CACNA1I: variants seen among roughly 807,000 people sequenced by gnomAD.
CACNA1I encodes voltage-dependent T-type calcium channel subunit alpha-1I.
Under a neutral mutation model 201.6 loss-of-function variants are expected in CACNA1I, and 74 were observed. The observed-to-expected ratio is 0.37, with a 90% CI of 0.30 to 0.45. CACNA1I has a LOEUF of 0.45. CACNA1I is among the 20% of genes least tolerant of loss of function. The pLI, the probability that CACNA1I is intolerant of heterozygous loss-of-function variation, is 1.00. For missense variants in CACNA1I, 2,346 were observed against 3,138.1 expected (o/e 0.75, Z 6.03); for synonymous variants, 1,431 against 1,345.2 (o/e 1.06, Z -1.40).
In CACNA1I at chr22:39,677,698, G is replaced by T. The variant is rs147267921; in HGVS notation, c.4933+279G>T. Among the ~76,000 whole-genome samples, 1 of 152,210 alleles carries T rather than the reference G, an allele frequency of 6.6e-6. No individual in the cohort carries two copies. Among genetic ancestry groups the T allele is most frequent in the African/African-American group, 2.4e-5 (1 of 41,458 alleles). ...CGCTCGCTGAGCTCCGCCCTGCACC[G>T]GGATGGCTCCAGAAAGCAGGGTTCC... On this transcript the variant is annotated intron_variant, in intron 30 of 36. Coordinates refer to ENST00000402142, the MANE Select transcript of CACNA1I (RefSeq NM_021096.4). This position sits in a 1 kb window ranked among gnomAD's most constrained non-coding sequence, Gnocchi z 4.8.
At chr22:39,675,560 G>A (rs566688488) in intron 29 of CACNA1I, among the ~76,000 whole-genome samples, 2 of 152,364 alleles carry the variant, frequency 1.3e-5, no homozygotes, top group South Asian at 2.1e-4. Flanking sequence ...GCCACTGGCC[G>A]TGAAATGGTG....
chr22:39,630,516 T>A (rs2146407544), intron 4 of CACNA1I, among the ~76,000 whole-genome samples: 2 of 152,338 alleles, frequency 1.3e-5, no homozygotes, highest in Admixed American at 1.3e-4. Context: ...CCTTTACTCA[T>A]TCAAGCTGTC....
intron 11 of CACNA1I, 150 bp from the exon 12 acceptor site, chr22:39,658,781 G>A (rs1934903733): frequency 5.8e-6 from 4 of 693,936 alleles, no homozygotes. Context: ...TTAGCTTGTG[G>A]CGTGGAGCAG....
intron 2 of CACNA1I, among the ~76,000 whole-genome samples, chr22:39,599,684 C>T (rs1450511271): frequency 6.8e-6 from 1 of 147,892 alleles, no homozygotes; most frequent in African/African-American, 2.5e-5. Flanking sequence ...CCTGCTGAAG[C>T]AGAATTTCTG....
At chr22:39,587,686 C>A in intron 1 of CACNA1I, 1 of 443,718 alleles carries the variant, frequency 2.3e-6, no homozygotes, top group South Asian at 1.6e-5. Context: ...GATGCCCATT[C>A]CTGCAGGTTG....
intron 3 of CACNA1I, among the ~76,000 whole-genome samples, chr22:39,610,156 T>G (rs992466460): frequency 2.0e-5 from 3 of 152,184 alleles, no homozygotes; most frequent in Admixed American, 6.5e-5. Context: ...GACTTTACAC[T>G]CTGATCTATC....
chr22:39,606,115 G>A (rs1047984228), intron 3 of CACNA1I, among the ~76,000 whole-genome samples: 1 of 152,102 alleles, frequency 6.6e-6, no homozygotes, highest in African/African-American at 2.4e-5. Context: ...TGCTGGACTC[G>A]CTTCAGGCTG....
At position 39,570,835 on chromosome 22, in the gene CACNA1I, C is replaced by T. The variant is rs1238119422; in HGVS notation, c.83C>T (p.Pro28Leu). The T allele has an allele frequency of 1.9e-6, 3 of 1,613,538 alleles. No individual in the cohort carries two copies. The highest frequency in any genetic ancestry group is 2.2e-5 in the South Asian group (2 of 91,070). Residue 28 changes from proline (P) to leucine (L), a missense_variant, in exon 1 of 37, where the codon CCC (proline) becomes CTC (leucine). Transcript: ENST00000402142. ...EPGVTTEQPG[P>L]RSPPSSPPGL... ...GGAGTCACCACGGAGCAGCCCGGAC[C>T]CCGGAGCCCCCCATCCTCCCCGCCA...
intron 20 of CACNA1I, 60 bp downstream of exon 20, chr22:39,664,219 T>G: frequency 7.2e-7 from 1 of 1,384,264 alleles, no homozygotes; most frequent in Non-Finnish European, 1.0e-6. Flanking sequence ...TGGCCCTGGG[T>G]CAGCCCCTGC....
chr22:39,640,946 G>A lies in CACNA1I; in HGVS notation c.820G>A (p.Asp274Asn), dbSNP rs772691252. 20 of 1,613,874 alleles carry A rather than the reference G, an allele frequency of 1.2e-5. No homozygotes were observed. Among genetic ancestry groups the A allele is most frequent in the South Asian group, 6.6e-5 (6 of 91,088 alleles). The change falls in exon 6 of 37, where the codon GAC becomes AAC. Residue 274 changes from aspartate (D) to asparagine (N), a missense_variant. By Grantham distance (23) the Asp-to-Asn change is conservative. Transcript: ENST00000402142. ...EMPFICSLSG[D>N]NGIMGCHEIP... ...GCCCTTCATCTGCTCCCTGTCGGGC[G>A]ACAATGGGATAATGGGCTGCCATGA...
At position 39,666,453 on chromosome 22, in the gene CACNA1I, G is replaced by A. The variant is rs764339658; in HGVS notation, c.4104+447G>A. Among the ~76,000 whole-genome samples, 5 of 152,134 alleles carry A rather than the reference G, an allele frequency of 3.3e-5. No homozygotes were observed. The highest frequency in any genetic ancestry group is 4.8e-5 in the African/African-American group (2 of 41,448). On this transcript the variant is annotated intron_variant, in intron 23 of 36. Coordinates refer to ENST00000402142, the MANE Select transcript of CACNA1I (RefSeq NM_021096.4). The surrounding 1 kb of genome is among the most constrained non-coding windows in gnomAD (Gnocchi z 4.1). ...TGAAAGGATATCAAGCCCTTGGCCC[G>A]GGGTGGTACTCTCTCCCCTCACCCA... is the stretch of plus-strand genomic sequence containing the variant.
chr22:39,607,902 G>GA (rs1933266305), intron 3 of CACNA1I, among the ~76,000 whole-genome samples: 2 of 150,588 alleles, frequency 1.3e-5, no homozygotes, highest in Admixed American at 6.6e-5. Context: ...AGGCGGGGGG[G>GA]GGTCACCTGA....
rs551628362 is a variant in CACNA1I, at chr22:39,626,061, C to T, written c.580+6654C>T. ...AGGGGCAGCCCTGAGCCCGAGCTCA[C>T]AGTCCCTGACAATGCTGTGGGGAAG... On this transcript the variant is annotated intron_variant, in intron 4 of 36. Coordinates refer to ENST00000402142, the MANE Select transcript of CACNA1I (RefSeq NM_021096.4). Among the ~76,000 whole-genome samples the T allele has an allele frequency of 4.6e-5, 7 of 152,348 alleles. No homozygotes were observed. In the South Asian group the frequency reaches 6.2e-4, roughly 14 times the overall value.
intron 25 of CACNA1I, 24 bp from the exon 26 acceptor site, chr22:39,670,779 C>T (rs760062800): frequency 6.2e-7 from 1 of 1,613,158 alleles, no homozygotes; most frequent in Admixed American, 1.7e-5. Flanking sequence ...GTGGTCTTTG[C>T]CACTCCCCCT....
intron 3 of CACNA1I, among the ~76,000 whole-genome samples, chr22:39,600,860 T>C (rs2145828744): frequency 6.6e-6 from 1 of 152,282 alleles, no homozygotes; most frequent in South Asian, 2.1e-4. Context: ...TGCCAGCGGA[T>C]ACTGGGTGAG....
intron 3 of CACNA1I, among the ~76,000 whole-genome samples, chr22:39,616,249 A>G (rs1167528455): frequency 6.6e-6 from 1 of 152,096 alleles, no homozygotes; most frequent in East Asian, 1.9e-4. Flanking sequence ...ATGGGGGCGG[A>G]TGGCGGGGAG....
At chr22:39,592,479 C>T (rs541136326) in intron 1 of CACNA1I, among the ~76,000 whole-genome samples, 2 of 152,252 alleles carry the variant, frequency 1.3e-5, no homozygotes, top group African/African-American at 2.4e-5. Context: ...GGATTGGAGC[C>T]GTTGCTCTCT....
Position 39,646,847 on chromosome 22 carries a change from A to G in CACNA1I, c.1428A>G (p.Lys476=). Residue 476 remains lysine (K), a synonymous_variant, in exon 8 of 37, where the codon AAA becomes AAG. Transcript: ENST00000402142. ...ALGPEAPAPA[K]PGPHAKEPRH... ...GCCCGGAGGCCCCGGCCCCCGCCAA[A>G]CCTGGGCCCCACGCCAAGGAGCCCC... 6.6e-7 allele frequency: 1 copy of G among 1,522,330 alleles called. No homozygotes were observed. Among genetic ancestry groups the G allele is most frequent in the Non-Finnish European group, 8.8e-7 (1 of 1,136,388 alleles). The allele number at this position is 1,522,330 out of a possible 1,614,324, so 94.3% of individuals were successfully genotyped here. A position where few individuals can be genotyped will look rare whatever the true frequency, so the allele number is the denominator to read the frequency against.
intron 1 of CACNA1I, among the ~76,000 whole-genome samples, chr22:39,589,957 C>T (rs1475945248): frequency 5.3e-5 from 8 of 152,150 alleles, no homozygotes; most frequent in African/African-American, 1.7e-4. Context: ...CCCGCCAAAC[C>T]CAGCACTCCC....
Sources: allele counts gnomAD v4.1 joint callset (sites outside exome capture counted in the v4.1 genomes callset), GRCh38; gene constraint gnomAD v4.1.1; non-coding constraint Gnocchi (gnomAD v3.1); transcripts MANE v1.5; gene names NCBI Gene and HGNC (gene_info 2026-07-23, HGNC 2026-07-21).